ARF3: variants seen among roughly 807,000 people sequenced by gnomAD.
ARF3 encodes the protein ADP-ribosylation factor 3.
A neutral mutation model predicts 19.3 loss-of-function variants in ARF3; 5 were observed. The ratio of observed to expected loss-of-function variants is 0.26; its 90% confidence interval spans 0.14 to 0.54. The LOEUF is 0.54. ARF3 is among the 20% of genes least tolerant of loss of function. The probability of loss-of-function intolerance (pLI) is 0.95; values close to 1 mark genes in which losing one functional copy is unlikely to be tolerated. For missense variants in ARF3, 77 were observed against 234.2 expected (o/e 0.33, Z 4.38); for synonymous variants, 71 against 89.2 (o/e 0.80, Z 1.15).
rs762313625 is a variant in ARF3 at position 48,938,899 on chromosome 12, T to C, written c.*48A>G. On this transcript the variant is annotated 3_prime_UTR_variant, in exon 5 of 5. Transcript: ENST00000256682. Reference sequence around the variant, plus strand: ...GGGTAGGACTGGGGCAGGGTGACAGTAGGTATGTCAGGGGTGGGTGGGGTG... The same window carrying C: ...GGGTAGGACTGGGGCAGGGTGACAGCAGGTATGTCAGGGGTGGGTGGGGTG... 1.9e-6 allele frequency: 3 copies of C among 1,592,668 alleles called. No homozygotes were observed. Among genetic ancestry groups the C allele is most frequent in the Non-Finnish European group, 2.6e-6 (3 of 1,168,044 alleles).
chr12:48,956,447 GA>G (rs2137601457), intron 1 of ARF3: 1 of 152,262 alleles, frequency 6.6e-6, no homozygotes, highest in East Asian at 1.9e-4. Flanking sequence ...TTTTAACAGG[GA>G]ACTCCACCTC....
In ARF3 at chr12:48,940,019, T is replaced by C. The variant is rs774974669; in HGVS notation, c.237A>G (p.Arg79=). ...TACCTTGGGTGTTCTGGAAGTAGTG[T>C]CTCCAGAGGGGTCGAATCTTGTCCT... The part of the protein sequence containing the change: ...GGQDKIRPLW[R]HYFQNTQGLI... Residue 79 remains arginine (R), a synonymous_variant, in exon 3 of 5, where the codon AGA becomes AGG. Transcript: ENST00000256682. The C allele has an allele frequency of 1.9e-6, 3 of 1,614,026 alleles. No individual in the cohort carries two copies. The South Asian group carries it at 3.3e-5, about 18-fold the overall frequency.
Position 48,939,155 on chromosome 12 carries a change from A to G in ARF3, c.385-47T>C, listed in dbSNP as rs1940207945. Reference sequence around the variant, plus strand: ...TAAAAAGAAGCCTCAGGATTTTTTAAAGGCTTCTAGAACACCCATCTACCA... The same window carrying G: ...TAAAAAGAAGCCTCAGGATTTTTTAGAGGCTTCTAGAACACCCATCTACCA... On this transcript the variant is annotated intron_variant, in intron 4 of 4. Coordinates refer to ENST00000256682, the MANE Select transcript of ARF3 (RefSeq NM_001659.3). The surrounding 1 kb of genome is among the most constrained non-coding windows in gnomAD (Gnocchi z 4.8). 6.3e-7 allele frequency: 1 copy of G among 1,589,066 alleles called. No individual in the cohort carries two copies. The highest frequency in any genetic ancestry group is 1.1e-5 in the South Asian group (1 of 88,270).
intron 1 of ARF3, among the ~76,000 whole-genome samples, chr12:48,942,178 G>T (rs1406823178): frequency 1.3e-5 from 2 of 150,900 alleles, no homozygotes; most frequent in African/African-American, 4.9e-5. Flanking sequence ...TCTCTCATGA[G>T]ATCTACTACT....
Position 48,937,716 on chromosome 12 carries a change from G to C in ARF3, c.*1231C>G, listed in dbSNP as rs975233256. ...CTAGAAAACAAGAGTTGGAGAAGAG[G>C]GGGGTTGATACTAAGGTCAGCTATG... is the stretch of plus-strand genomic sequence containing the variant. On this transcript the variant is annotated 3_prime_UTR_variant, in exon 5 of 5. Coordinates refer to ENST00000256682, the MANE Select transcript of ARF3 (RefSeq NM_001659.3). 1 of 152,302 alleles carries C rather than the reference G, an allele frequency of 6.6e-6. No homozygotes were observed. The highest frequency in any genetic ancestry group is 6.5e-5 in the Admixed American group (1 of 15,284). 9.4% of individuals were successfully genotyped at this position (152,302 alleles called of 1,614,324 possible). A position where few individuals can be genotyped will look rare whatever the true frequency, so the allele number is the denominator to read the frequency against.
chr12:48,945,294 A>G (rs1179327053), intron 1 of ARF3, among the ~76,000 whole-genome samples: 1 of 151,998 alleles, frequency 6.6e-6, no homozygotes, highest in Non-Finnish European at 1.5e-5. Flanking sequence ...AAAACCCAAA[A>G]ATTGGCCGGG....
Position 48,939,416 on chromosome 12 carries a change from G to T in ARF3, c.384+239C>A, listed in dbSNP as rs2137575779. Among the ~76,000 whole-genome samples the T allele has an allele frequency of 6.6e-6, 1 of 152,276 alleles. No individual in the cohort carries two copies. The highest frequency in any genetic ancestry group is 2.1e-4 in the South Asian group (1 of 4,822). Reference sequence around the variant, plus strand: ...CAGGAGTGAGGCCAATTCTCCTAAAGTAGATAACAGGCAAGATGAAAGAAA... The same window carrying T: ...CAGGAGTGAGGCCAATTCTCCTAAATTAGATAACAGGCAAGATGAAAGAAA... On this transcript the variant is annotated intron_variant, in intron 4 of 4. Coordinates refer to ENST00000256682, the MANE Select transcript of ARF3 (RefSeq NM_001659.3). The surrounding 1 kb of genome is among the most constrained non-coding windows in gnomAD (Gnocchi z 4.8).
In ARF3 at chr12:48,936,994, C is replaced by A. The variant is rs187995169; in HGVS notation, c.*1953G>T. On this transcript the variant is annotated 3_prime_UTR_variant, in exon 5 of 5. Coordinates refer to ENST00000256682, the MANE Select transcript of ARF3 (RefSeq NM_001659.3). ...TAAATGAAATAGAACCTCCAACACC[C>A]CCCCCACAACCACCACACACAAACA... 245 of 152,158 alleles carry A rather than the reference C, an allele frequency of 1.6e-3. 2 individuals carry two copies. The highest frequency in any genetic ancestry group is 2.9e-3 in the South Asian group (14 of 4,808). The allele number at this position is 152,158 out of a possible 1,614,324, so 9.4% of individuals were successfully genotyped here.
chr12:48,950,075 T>C (rs1940436645), intron 1 of ARF3, among the ~76,000 whole-genome samples: 1 of 152,226 alleles, frequency 6.6e-6, no homozygotes. Context: ...GGGGTCCCAC[T>C]ATGTTGCCCA....
At chr12:48,950,851 T>C (rs1223717780) in intron 1 of ARF3, among the ~76,000 whole-genome samples, 1 of 152,038 alleles carries the variant, frequency 6.6e-6, no homozygotes, top group African/African-American at 2.4e-5. Context: ...AATGGCGCAA[T>C]CTCGGCTCAC....
At chr12:48,944,118 C>G (rs1172483799) in intron 1 of ARF3, among the ~76,000 whole-genome samples, 1 of 152,248 alleles carries the variant, frequency 6.6e-6, no homozygotes, top group Non-Finnish European at 1.5e-5. Context: ...GCCTTTCCTT[C>G]AGCTCCAGAT....
intron 1 of ARF3, among the ~76,000 whole-genome samples, chr12:48,943,324 A>C (rs968721702): frequency 1.3e-5 from 2 of 152,076 alleles, no homozygotes; most frequent in Non-Finnish European, 2.9e-5. Context: ...ACAATAATAA[A>C]ATGAGGATTC....
intron 1 of ARF3, among the ~76,000 whole-genome samples, chr12:48,954,800 T>C (rs977909009): frequency 6.6e-6 from 1 of 151,926 alleles, no homozygotes; most frequent in African/African-American, 2.4e-5. Flanking sequence ...TGGGAGGATA[T>C]ATTGGAGCCA....
chr12:48,945,582 G>A (rs920119065), intron 1 of ARF3, among the ~76,000 whole-genome samples: 1 of 151,712 alleles, frequency 6.6e-6, no homozygotes, highest in Non-Finnish European at 1.5e-5. Context: ...AATTAGCTGG[G>A]CGTGGTGGTA....
intron 1 of ARF3, among the ~76,000 whole-genome samples, chr12:48,948,951 G>C (rs1330913730): frequency 6.6e-6 from 1 of 152,160 alleles, no homozygotes; most frequent in Non-Finnish European, 1.5e-5. Context: ...AATTAGAAAG[G>C]GGAAAGACTG....
chr12:48,948,831 A>C (rs192230010), intron 1 of ARF3, among the ~76,000 whole-genome samples: 15 of 152,260 alleles, frequency 9.9e-5, no homozygotes, highest in Admixed American at 9.8e-4. Flanking sequence ...GAAAGAAAGA[A>C]AATGATGAGG....
chr12:48,952,194 G>T (rs74363736), intron 1 of ARF3, among the ~76,000 whole-genome samples: 1 of 152,082 alleles, frequency 6.6e-6, no homozygotes, highest in African/African-American at 2.4e-5. Flanking sequence ...TCCAGGACAC[G>T]CAAACCTGAA....
At chr12:48,954,685 A>T (rs1395480626) in intron 1 of ARF3, among the ~76,000 whole-genome samples, 1 of 152,218 alleles carries the variant, frequency 6.6e-6, no homozygotes, top group Non-Finnish European at 1.5e-5. Context: ...ATCCACTCTT[A>T]ATTACTATAC....
At position 48,936,722 on chromosome 12, in the gene ARF3, G is replaced by A. The variant is rs922171435; in HGVS notation, c.*2225C>T. 2 of 152,328 alleles carry A rather than the reference G, an allele frequency of 1.3e-5. No homozygotes were observed. Among genetic ancestry groups the A allele is most frequent in the African/African-American group, 2.4e-5 (1 of 41,438 alleles). 9.4% of individuals were successfully genotyped at this position (152,328 alleles called of 1,614,324 possible). ...TAGGACTGACATCTAACTAGAGAAA[G>A]TCAGGGAATGAGGCAGGAGAAGAGG... On this transcript the variant is annotated 3_prime_UTR_variant, in exon 5 of 5. Transcript: ENST00000256682.
Sources: gnomAD v4.1 joint callset for allele counts (sites outside exome capture counted in the v4.1 genomes callset) on GRCh38, gnomAD v4.1.1 for gene constraint, Gnocchi (gnomAD v3.1) non-coding constraint, MANE v1.5 for transcripts, NCBI Gene and HGNC (gene_info 2026-07-23, HGNC 2026-07-21) for gene names.